CNOT9: variants seen among roughly 807,000 people sequenced by gnomAD.
CNOT9 encodes RCD1 required for cell differentiation1 homolog.
A neutral mutation model predicts 37.4 loss-of-function variants in CNOT9; 8 were observed. That is an observed-to-expected ratio of 0.21 (90% confidence interval 0.13 to 0.39). The LOEUF is 0.39. CNOT9 is among the 10% of genes least tolerant of loss of function. The pLI is 1.00. For synonymous variants in CNOT9, 120 were observed against 137.6 expected (o/e 0.87, Z 0.90); for missense variants, 154 against 365.3 (o/e 0.42, Z 4.71).
intron 1 of CNOT9, among the ~76,000 whole-genome samples, chr2:218,575,437 G>C (rs986907907): frequency 2.7e-5 from 4 of 145,718 alleles, no homozygotes; most frequent in Non-Finnish European, 6.0e-5. Context: ...TCAGGCTGGA[G>C]TACAGTGGCT....
chr2:218,594,108 G>A lies in CNOT9; in HGVS notation c.732G>A (p.Arg244=), dbSNP rs1694861608. The change falls in exon 8 of 8, where the codon AGG becomes AGA. Residue 244 remains arginine (R), a splice_region_variant and synonymous_variant. Coordinates refer to ENST00000273064, the MANE Select transcript of CNOT9 (RefSeq NM_005444.3). ...RCYLRLSDNP[R]AREALRQCLP... ...GTTGGTTTGTTTGTTTCTGATGTAG[G>A]GCACGTGAAGCACTCAGACAGTGCC... is the stretch of plus-strand genomic sequence containing the variant. The A allele has an allele frequency of 6.2e-7, 1 of 1,614,046 alleles. No individual in the cohort carries two copies.
At chr2:218,583,307 T>C (rs1308084207) in intron 3 of CNOT9, among the ~76,000 whole-genome samples, 5 of 148,152 alleles carry the variant, frequency 3.4e-5, no homozygotes, top group East Asian at 4.0e-4. Flanking sequence ...CGGATTCTTA[T>C]TTACTTTTAC....
chr2:218,575,692 C>T (rs1694142943), intron 1 of CNOT9, among the ~76,000 whole-genome samples: 1 of 152,082 alleles, frequency 6.6e-6, no homozygotes, highest in African/African-American at 2.4e-5. Context: ...CGTGAGCCAC[C>T]GTGCCGGACT....
Position 218,586,690 on chromosome 2 carries a change from T to A in CNOT9, c.431-896T>A, listed in dbSNP as rs905114841. On this transcript the variant is annotated intron_variant, in intron 4 of 7. Transcript: ENST00000273064. The stretch of plus-strand genomic sequence containing the variant: ...TTTTAATAGAGACAGGGTTTCACGA[T>A]GTTGGCCAGGCTGGTCTTGGAACTC... Among the ~76,000 whole-genome samples, 3 of 152,108 alleles carry A rather than the reference T, an allele frequency of 2.0e-5. No homozygotes were observed. The East Asian group carries it at 5.8e-4, about 29-fold the overall frequency.
At chr2:218,576,334 C>T (rs1228152552) in intron 1 of CNOT9, among the ~76,000 whole-genome samples, 1 of 151,914 alleles carries the variant, frequency 6.6e-6, no homozygotes, top group Non-Finnish European at 1.5e-5. Flanking sequence ...TTTTATTCTC[C>T]AAAACAATGA....
intron 7 of CNOT9, chr2:218,593,030 T>G (rs1694832623): frequency 3.2e-6 from 1 of 310,382 alleles, no homozygotes; most frequent in South Asian, 4.1e-5. Context: ...GAGAAGTATA[T>G]TTTCAAAGAT....
intron 3 of CNOT9, 31 bp from the exon 4 acceptor site, chr2:218,584,581 G>C (rs1261963607): frequency 6.8e-7 from 1 of 1,477,434 alleles, no homozygotes; most frequent in Non-Finnish European, 9.5e-7. Flanking sequence ...ATCAACCCTG[G>C]GCTGTGAATG....
intron 1 of CNOT9, among the ~76,000 whole-genome samples, chr2:218,579,662 A>G (rs1694300465): frequency 6.7e-6 from 1 of 149,196 alleles, no homozygotes; most frequent in Admixed American, 6.7e-5. Context: ...AATTTTTTGT[A>G]TTTTTAGTAG....
chr2:218,570,793 G>C lies in CNOT9; in HGVS notation c.24+1815G>C, dbSNP rs899998767. 2.0e-5 allele frequency among the ~76,000 whole-genome samples: 3 copies of C among 152,140 alleles called. No homozygotes were observed. The East Asian group carries it at 5.8e-4, about 29-fold the overall frequency. On this transcript the variant is annotated intron_variant, in intron 1 of 7. Coordinates refer to ENST00000273064, the MANE Select transcript of CNOT9 (RefSeq NM_005444.3). The stretch of plus-strand genomic sequence containing the variant: ...CATCTTTTAAACAACCATTAAAGCT[G>C]TGGTACATTACTTATAATAAGTACT...
chr2:218,596,768 G>A lies in CNOT9; in HGVS notation c.*2492G>A, dbSNP rs1694934953. 1 of 152,142 alleles carries A rather than the reference G, an allele frequency of 6.6e-6. No homozygotes were observed. Among genetic ancestry groups the A allele is most frequent in the Admixed American group, 6.5e-5 (1 of 15,278 alleles). The allele number at this position is 152,142 out of a possible 1,614,324, so 9.4% of individuals were successfully genotyped here. ...AGGGAGAGACTTCCATAGTGACAAG[G>A]TAATGCTTGAAACATCTTACGAACT... On this transcript the variant is annotated 3_prime_UTR_variant, in exon 8 of 8. Transcript: ENST00000273064.
intron 1 of CNOT9, chr2:218,572,739 G>A (rs1367669911): frequency 1.0e-6 from 1 of 980,550 alleles, no homozygotes; most frequent in East Asian, 1.1e-4. Context: ...TTTTTGTTTT[G>A]TTTTGTTTTT....
rs749228071 is a variant in CNOT9 at position 218,592,426 on chromosome 2, T to C, written c.639+24T>C. ...TGGTGAGTTCTTTCATCTATCCCCTTTACAACTACTTCTCATCACAAAGCT... is the reference window on the plus strand; with the variant it reads ...TGGTGAGTTCTTTCATCTATCCCCTCTACAACTACTTCTCATCACAAAGCT... On this transcript the variant is annotated intron_variant, in intron 6 of 7. Transcript: ENST00000273064. This position sits in a 1 kb window ranked among gnomAD's most constrained non-coding sequence, Gnocchi z 4.1. 30 of 1,569,544 alleles carry C rather than the reference T, an allele frequency of 1.9e-5. No homozygotes were observed. Among genetic ancestry groups the C allele is most frequent in the Non-Finnish European group, 2.6e-5 (30 of 1,139,558 alleles).
intron 3 of CNOT9, 145 bp downstream of exon 3, chr2:218,583,231 GTGTCTCTCTCTCTCTCTCTC>G (rs1694473366): frequency 1.4e-4 from 5 of 34,994 alleles, no homozygotes; most frequent in South Asian, 6.1e-4. Flanking sequence ...GTGTGTGTGT[GTGTCTCTCTCTCTCTCTCTC>G]TCTCTCTCTC....
intron 1 of CNOT9, among the ~76,000 whole-genome samples, chr2:218,575,513 C>T (rs113435496): frequency 0.029 from 4,295 of 146,168 alleles, 201 homozygotes; most frequent in African/African-American, 0.099. Context: ...TCACGCCATT[C>T]TGCCTCAGCC....
At chr2:218,580,424 G>A in intron 1 of CNOT9, 137 bp from the exon 2 acceptor site, 1 of 648,434 alleles carries the variant, frequency 1.5e-6, no homozygotes, top group Non-Finnish European at 2.6e-6. Context: ...AGATTGAATA[G>A]TTGACATCAA....
chr2:218,581,026 G>A (rs1451990752), intron 2 of CNOT9: 6 of 539,128 alleles, frequency 1.1e-5, no homozygotes, highest in Admixed American at 4.4e-5. Context: ...TAAGAACTAC[G>A]CTTTGACGAA....
intron 1 of CNOT9, chr2:218,574,208 A>C (rs1694092846): frequency 3.9e-6 from 1 of 253,716 alleles, no homozygotes; most frequent in Non-Finnish European, 8.1e-6. Context: ...CACCAGCCTC[A>C]GCCTCCCAAA....
At chr2:218,569,905 C>T (rs187123732) in intron 1 of CNOT9, among the ~76,000 whole-genome samples, 206 of 152,274 alleles carry the variant, frequency 1.4e-3, no homozygotes, top group Non-Finnish European at 7.6e-4. Flanking sequence ...TCAGAGTGGC[C>T]TTCCCTGACT....
chr2:218,571,437 G>A (rs1490907953), intron 1 of CNOT9, among the ~76,000 whole-genome samples: 3 of 152,178 alleles, frequency 2.0e-5, no homozygotes, highest in Non-Finnish European at 4.4e-5. Context: ...TTAAGAGAGA[G>A]AGAGAATGTA....
Sources: allele counts gnomAD v4.1 joint callset (sites outside exome capture counted in the v4.1 genomes callset), GRCh38; gene constraint gnomAD v4.1.1; non-coding constraint Gnocchi (gnomAD v3.1); transcripts MANE v1.5; gene names NCBI Gene and HGNC (gene_info 2026-07-23, HGNC 2026-07-21).